The following GATA4 variants were observed in gnomAD, a reference collection of about 807,000 sequenced individuals.
GATA4 encodes the protein GATA binding protein 4, also known as transcription factor GATA-4.
GATA4 carries 7 observed loss-of-function variants against 37.9 expected under a neutral mutation model. The observed-to-expected ratio is 0.18, with a 90% CI of 0.11 to 0.35. The LOEUF is 0.35. GATA4 is among the 10% of genes least tolerant of loss of function. GATA4 has a pLI of 1.00. For synonymous variants in GATA4, 372 were observed against 292.6 expected (o/e 1.27, Z -2.77); for missense variants, 647 against 653.0 (o/e 0.99, Z 0.10).
At chr8:11,681,492 CGGGGGGG>C (rs202218053) in intron 1 of GATA4, 124 of 924,758 alleles carry the variant, frequency 1.3e-4, no homozygotes, top group African/African-American at 3.8e-4. Flanking sequence ...GCGGCGCTCG[CGGGGGGG>C]GGGGGGGGGA....
intron 1 of GATA4, chr8:11,683,153 T>A: frequency 1.0e-6 from 1 of 979,386 alleles, no homozygotes; most frequent in Non-Finnish European, 1.2e-6. Flanking sequence ...GCAGAGATAA[T>A]GGAGGGGCTC....
At chr8:11,728,135 C>T (rs866114255) in intron 2 of GATA4, among the ~76,000 whole-genome samples, 4 of 152,166 alleles carry the variant, frequency 2.6e-5, no homozygotes, top group South Asian at 2.1e-4. Flanking sequence ...GGATTACAGG[C>T]GCCTACCACC....
intron 1 of GATA4, chr8:11,698,040 G>C (rs181262120): frequency 9.2e-6 from 9 of 983,536 alleles, no homozygotes; most frequent in Non-Finnish European, 1.1e-5. Context: ...GGTTGACCTC[G>C]TCCCGGTCGG....
At chr8:11,728,732 AG>A (rs1420529573) in intron 2 of GATA4, among the ~76,000 whole-genome samples, 2 of 152,106 alleles carry the variant, frequency 1.3e-5, no homozygotes, top group Non-Finnish European at 2.9e-5. Context: ...AATACCATAA[AG>A]GGTTAGATTG....
At chr8:11,745,086 C>T (rs1429328650) in intron 2 of GATA4, among the ~76,000 whole-genome samples, 2 of 152,218 alleles carry the variant, frequency 1.3e-5, no homozygotes, top group Non-Finnish European at 2.9e-5. Flanking sequence ...GTGGCAAATA[C>T]ATACTTGGCA....
intron 1 of GATA4, chr8:11,680,467 G>T (rs1166813244): frequency 1.0e-5 from 10 of 985,184 alleles, no homozygotes; most frequent in East Asian, 1.1e-4. Context: ...GGCCGAAGCC[G>T]GTTTGCTTTG....
chr8:11,732,349 G>A (rs1006994380), intron 2 of GATA4, among the ~76,000 whole-genome samples: 2 of 152,188 alleles, frequency 1.3e-5, no homozygotes, highest in African/African-American at 4.8e-5. Flanking sequence ...TTTCAGTGCA[G>A]GTGCTTTAGA....
chr8:11,695,189 T>A (rs896364440), intron 1 of GATA4, among the ~76,000 whole-genome samples: 2 of 152,160 alleles, frequency 1.3e-5, no homozygotes, highest in African/African-American at 4.8e-5. Flanking sequence ...GTGGATCACC[T>A]GAGGCTGGGA....
Position 11,758,309 on chromosome 8 carries a change from C to T in GATA4, c.1166C>T (p.Ala389Val), listed in dbSNP as rs376885265. The change falls in exon 7 of 7, where the codon GCG becomes GTG. Residue 389 changes from alanine to valine, a missense_variant. This residue lies in a region of GATA4 where 184 missense variants were observed against 157.1 expected (regional missense o/e 1.17). Coordinates refer to ENST00000532059, the MANE Select transcript of GATA4 (RefSeq NM_001308093.3). ...SSVSQTFSVS[A>V]MSGHGPSIHP... ...GCTTTTCAGACGTTCTCAGTCAGTG[C>T]GATGTCTGGCCATGGGCCCTCCATC... 1.1e-5 allele frequency: 18 copies of T among 1,614,134 alleles called. No homozygotes were observed. The highest frequency in any genetic ancestry group is 2.2e-5 in the South Asian group (2 of 91,072).
chr8:11,751,246 T>C (rs1350577156), intron 4 of GATA4, among the ~76,000 whole-genome samples: 1 of 152,232 alleles, frequency 6.6e-6, no homozygotes, highest in Non-Finnish European at 1.5e-5. Flanking sequence ...TTAATTTTTA[T>C]TGGAACATTC....
intron 2 of GATA4, among the ~76,000 whole-genome samples, chr8:11,716,829 ATTTAGTTGTACTGAATT>A (rs1248396663): frequency 6.6e-6 from 1 of 152,238 alleles, no homozygotes; most frequent in African/African-American, 2.4e-5. Context: ...TTTTAAGACA[ATTTAGTTGTACTGAATT>A]TAGAGCTGAA....
At chr8:11,736,631 C>T (rs990536196) in intron 2 of GATA4, among the ~76,000 whole-genome samples, 1 of 152,220 alleles carries the variant, frequency 6.6e-6, no homozygotes, top group Non-Finnish European at 1.5e-5. Context: ...GAGTGGTGGG[C>T]AGAAGGCGGA....
intron 1 of GATA4, among the ~76,000 whole-genome samples, 188 bp downstream of exon 1, chr8:11,704,492 C>G (rs988101268): frequency 1.7e-4 from 26 of 152,242 alleles, no homozygotes; most frequent in African/African-American, 5.5e-4. Flanking sequence ...TTCTTTAAGT[C>G]AAAGTAAGAC....
At chr8:11,689,807 A>G (rs1380065054), upstream of GATA4, among the ~76,000 whole-genome samples, 1 of 152,138 alleles carries the variant, frequency 6.6e-6, no homozygotes, top group East Asian at 1.9e-4. Context: ...GGGCTGCCTT[A>G]TCTCTGATCC....
At chr8:11,687,801 T>A (rs1799187559), upstream of GATA4, among the ~76,000 whole-genome samples, 1 of 152,130 alleles carries the variant, frequency 6.6e-6, no homozygotes, top group Non-Finnish European at 1.5e-5. Context: ...TGGGATCCCT[T>A]ACTCATCCAA....
At chr8:11,756,631 C>T (rs571730624) in intron 5 of GATA4, 1 of 462,498 alleles carries the variant, frequency 2.2e-6, no homozygotes, top group East Asian at 4.4e-5. Context: ...TGGAGGTATT[C>T]TGTAATAATA....
chr8:11,755,171 C>G, intron 5 of GATA4, 38 bp downstream of exon 5: 1 of 1,528,466 alleles, frequency 6.5e-7, no homozygotes, highest in Non-Finnish European at 9.1e-7. Flanking sequence ...ATGAGTACAT[C>G]AGGAGCCCTC....
upstream of GATA4, among the ~76,000 whole-genome samples, chr8:11,688,123 T>G (rs551693246): frequency 3.3e-5 from 5 of 152,306 alleles, no homozygotes; most frequent in Admixed American, 1.3e-4. Flanking sequence ...TCATTTATCA[T>G]CCAGCCTTTC....
intron 2 of GATA4, among the ~76,000 whole-genome samples, chr8:11,740,087 C>G (rs1358154709): frequency 6.6e-6 from 1 of 152,186 alleles, no homozygotes; most frequent in Non-Finnish European, 1.5e-5. Flanking sequence ...TGATCCCCAG[C>G]CAGGGCTCCC....
Sources: allele counts gnomAD v4.1 joint callset (sites outside exome capture counted in the v4.1 genomes callset), GRCh38; gene constraint gnomAD v4.1.1; regional missense constraint gnomAD v4.1.1; transcripts MANE v1.5; gene names NCBI Gene and HGNC (gene_info 2026-07-23, HGNC 2026-07-21).